The following CFAP251 variants were observed in gnomAD, a reference collection of about 807,000 sequenced individuals.
CFAP251 encodes the protein cilia- and flagella-associated protein 251.
CFAP251 carries 93 observed loss-of-function variants against 126.7 expected under a neutral mutation model. The ratio of observed to expected loss-of-function variants is 0.73; its 90% confidence interval spans 0.62 to 0.87. The LOEUF is 0.87. CFAP251 is among the 40% of genes least tolerant of loss of function. The probability of loss-of-function intolerance (pLI) is 0.00; values close to 1 mark genes in which losing one functional copy is unlikely to be tolerated. For missense variants in CFAP251, 1,287 were observed against 1,389.2 expected, an observed-to-expected ratio of 0.93 and a Z score of 1.17; for synonymous variants, 503 against 506.9, an observed-to-expected ratio of 0.99 and a Z score of 0.10.
Position 121,972,123 on chromosome 12 carries a change from T to C in CFAP251, c.2772-3121T>C, listed in dbSNP as rs144559678. ...GCAGCATGAAAATGGACTAATATAGTACATTGGTACCAGTAGAATGGGGCA... is the reference window on the plus strand; with the variant it reads ...GCAGCATGAAAATGGACTAATATAGCACATTGGTACCAGTAGAATGGGGCA... On this transcript the variant is annotated intron_variant, in intron 17 of 21. Transcript: ENST00000288912. The C allele has an allele frequency of 2.6e-3, 439 of 169,786 alleles. 2 individuals are homozygous for C. Among genetic ancestry groups the C allele is most frequent in the African/African-American group, 9.9e-3 (416 of 41,876 alleles). 10.5% of individuals were successfully genotyped at this position (169,786 alleles called of 1,614,324 possible). A position where few individuals can be genotyped will look rare whatever the true frequency, so the allele number is the denominator to read the frequency against.
rs761349017 is a variant in CFAP251 at position 121,921,432 on chromosome 12, G to T, written c.127G>T (p.Asp43Tyr). ...AGATCCACAACAGGAATCAAAAGAT[G>T]ACACAATAGCATGGAGAGAGTCTCA... is the stretch of plus-strand genomic sequence containing the variant. Reference protein sequence around the residue: ...VEDPQQESKDDTIAWRESQEE... With the variant: ...VEDPQQESKDYTIAWRESQEE... Residue 43 changes from aspartate (D) to tyrosine (Y), a missense_variant, in exon 2 of 22, where the codon GAC (aspartate) becomes TAC (tyrosine). Coordinates refer to ENST00000288912, the MANE Select transcript of CFAP251 (RefSeq NM_144668.6). 2.5e-6 allele frequency: 4 copies of T among 1,613,678 alleles called. No homozygotes were observed. In the Admixed American group the frequency reaches 6.7e-5, roughly 27 times the overall value.
At chr12:121,934,172 C>A in intron 4 of CFAP251, 75 bp from the exon 5 acceptor site, 1 of 1,158,778 alleles carries the variant, frequency 8.6e-7, no homozygotes, top group South Asian at 1.4e-5. Flanking sequence ...CTGTGGGTCC[C>A]CGGCCTTTGC....
chr12:121,962,302 G>C (rs1881967572), intron 15 of CFAP251, 140 bp downstream of exon 15: 2 of 746,402 alleles, frequency 2.7e-6, no homozygotes, highest in East Asian at 2.6e-5. Flanking sequence ...AGGAGACTGA[G>C]GCACAGATAA....
rs972207971 is a variant in CFAP251, at chr12:121,937,974, A to T, written c.998+3618A>T. On this transcript the variant is annotated intron_variant, in intron 5 of 21. Transcript: ENST00000288912. Reference sequence around the variant, plus strand: ...CACAGTACATTGTATGGATAGATCAAACAATGTATAGTCTTTCATCTGGTT... The same window carrying T: ...CACAGTACATTGTATGGATAGATCATACAATGTATAGTCTTTCATCTGGTT... 4.6e-5 allele frequency among the ~76,000 whole-genome samples: 7 copies of T among 152,144 alleles called. No homozygotes were observed. In the South Asian group the frequency reaches 1.4e-3, roughly 31 times the overall value.
chr12:121,967,942 G>A (rs1413547046), intron 16 of CFAP251, 64 bp from the exon 17 acceptor site: 13 of 1,450,578 alleles, frequency 9.0e-6, no homozygotes, highest in African/African-American at 5.6e-5. Flanking sequence ...ACATGTGAAC[G>A]TGCCAGGCCT....
At chr12:121,983,368 G>A (rs1001451563) in intron 19 of CFAP251, among the ~76,000 whole-genome samples, 15 of 144,706 alleles carry the variant, frequency 1.0e-4, no homozygotes, top group Non-Finnish European at 2.2e-4. Context: ...AATAGCTACT[G>A]TCCTCCAGCC....
At chr12:121,929,459 C>T (rs555797700) in intron 3 of CFAP251, among the ~76,000 whole-genome samples, 4 of 152,120 alleles carry the variant, frequency 2.6e-5, no homozygotes, top group East Asian at 1.9e-4. Context: ...GTGGTTCATC[C>T]GTTAGCACTG....
chr12:121,952,271 A>T (rs1248555080), intron 9 of CFAP251, among the ~76,000 whole-genome samples: 1 of 128,180 alleles, frequency 7.8e-6, no homozygotes, highest in Non-Finnish European at 1.7e-5. Context: ...AAAAAAAAAA[A>T]TTGCCAGCCA....
At chr12:121,979,209 G>A (rs930879629) in intron 19 of CFAP251, among the ~76,000 whole-genome samples, 15 of 152,158 alleles carry the variant, frequency 9.9e-5, no homozygotes, top group Admixed American at 7.9e-4. Flanking sequence ...AAAATCACCA[G>A]GTACTGTTGT....
At chr12:121,958,155 A>T (rs1881793723) in intron 11 of CFAP251, 117 bp from the exon 12 acceptor site, 1 of 1,443,670 alleles carries the variant, frequency 6.9e-7, no homozygotes, top group African/African-American at 1.4e-5. Flanking sequence ...TGTTGGGTTA[A>T]TAATGTCACT....
intron 19 of CFAP251, among the ~76,000 whole-genome samples, chr12:121,978,144 G>A (rs1284449709): frequency 1.3e-5 from 2 of 151,098 alleles, no homozygotes; most frequent in Non-Finnish European, 2.9e-5. Flanking sequence ...TGTAATCCCA[G>A]CACTTTGGGA....
At position 121,960,852 on chromosome 12, in the gene CFAP251, C is replaced by T. The variant is rs570778505; in HGVS notation, c.2307+94C>T. ...CTTGCATAGAGCCAGGCCCACAGTA[C>T]GTGTGTTTGTTGGAGAAAATGAATG... On this transcript the variant is annotated intron_variant, in intron 14 of 21. Coordinates refer to ENST00000288912, the MANE Select transcript of CFAP251 (RefSeq NM_144668.6). 17 of 1,410,202 alleles carry T rather than the reference C, an allele frequency of 1.2e-5. No individual in the cohort carries two copies. In the African/African-American group the frequency reaches 1.3e-4, roughly 11 times the overall value. The allele number at this position is 1,410,202 out of a possible 1,614,324, so 87.4% of individuals were successfully genotyped here.
chr12:121,990,081 G>A (rs1356044857), intron 19 of CFAP251, among the ~76,000 whole-genome samples: 2 of 152,088 alleles, frequency 1.3e-5, no homozygotes, highest in African/African-American at 4.8e-5. Flanking sequence ...ATGTCTAAAT[G>A]TTTAAAAGTT....
chr12:121,977,761 C>T (rs1464230592), intron 19 of CFAP251, among the ~76,000 whole-genome samples: 1 of 151,240 alleles, frequency 6.6e-6, no homozygotes, highest in African/African-American at 2.4e-5. Context: ...CGAGACCATC[C>T]TGGCTAACAC....
At chr12:121,921,704 A>T (rs1268466741) in intron 2 of CFAP251, 21 bp downstream of exon 2, 1 of 1,582,534 alleles carries the variant, frequency 6.3e-7, no homozygotes, top group Non-Finnish European at 8.6e-7. Context: ...ATCTTAATTC[A>T]TTCATCAATT....
intron 21 of CFAP251, among the ~76,000 whole-genome samples, chr12:122,002,158 C>T (rs150606834): frequency 0.019 from 2,919 of 152,106 alleles, 34 homozygotes; most frequent in Non-Finnish European, 0.035. Flanking sequence ...AGTTCAAGAC[C>T]AGCCTGACCA....
rs1355802182 is a variant in CFAP251, at chr12:121,989,226, A to G, written c.3007-10490A>G. ...TTTGAAAACATTCACTGGGAAGGGAAGAGTCCCTGGAGGTGTTTGAGACCT... is the reference window on the plus strand; with the variant it reads ...TTTGAAAACATTCACTGGGAAGGGAGGAGTCCCTGGAGGTGTTTGAGACCT... On this transcript the variant is annotated intron_variant, in intron 19 of 21. Coordinates refer to ENST00000288912, the MANE Select transcript of CFAP251 (RefSeq NM_144668.6). This position sits in a 1 kb window ranked among gnomAD's most constrained non-coding sequence, Gnocchi z 4.2. 2.6e-5 allele frequency among the ~76,000 whole-genome samples: 4 copies of G among 152,224 alleles called. No homozygotes were observed. The highest frequency in any genetic ancestry group is 5.9e-5 in the Non-Finnish European group (4 of 68,042).
At chr12:121,959,283 T>C (rs1028594250) in intron 13 of CFAP251, 189 bp downstream of exon 13, 2 of 560,698 alleles carry the variant, frequency 3.6e-6, no homozygotes, top group Non-Finnish European at 5.9e-6. Flanking sequence ...CAAAAACACT[T>C]TTTAAAAATT....
chr12:122,001,953 T>C, intron 21 of CFAP251: 1 of 275,414 alleles, frequency 3.6e-6, no homozygotes, highest in Non-Finnish European at 7.2e-6. Flanking sequence ...CCAGGCACCA[T>C]GGCTCACGCC....
Sources: gnomAD v4.1 joint callset for allele counts (sites outside exome capture counted in the v4.1 genomes callset) on GRCh38, gnomAD v4.1.1 for gene constraint, Gnocchi (gnomAD v3.1) non-coding constraint, MANE v1.5 for transcripts, NCBI Gene and HGNC (gene_info 2026-07-23, HGNC 2026-07-21) for gene names.